ITIH5: variants seen among roughly 807,000 people sequenced by gnomAD.
The protein encoded by ITIH5 is inter-alpha-trypsin inhibitor heavy chain H5.
In ITIH5, 65 loss-of-function variants were observed where a neutral mutation model predicts 77.5. The ratio of observed to expected loss-of-function variants is 0.84; its 90% CI spans 0.69 to 1.03. ITIH5 has a LOEUF of 1.03. Ranked by LOEUF, ITIH5 falls within the 50% of genes least tolerant of loss-of-function variation. The probability of loss-of-function intolerance (pLI) is 0.00; values close to 1 mark genes in which losing one functional copy is unlikely to be tolerated. For missense variants in ITIH5, 1,208 were observed against 1,213.1 expected (o/e 1.00, Z 0.06); for synonymous variants, 525 against 494.3 (o/e 1.06, Z -0.82).
At position 7,579,943 on chromosome 10, in the gene ITIH5, C is replaced by G. The variant is rs746173381; in HGVS notation, c.1230G>C (p.Thr410=). 1.2e-6 allele frequency: 2 copies of G among 1,614,178 alleles called. No homozygotes were observed. The highest frequency in any genetic ancestry group is 2.2e-5 in the East Asian group (1 of 44,880). Residue 410 remains threonine, a synonymous_variant, in exon 9 of 14, where the codon ACG becomes ACC. Transcript: ENST00000397146. ...LIVFLTDGKP[T]VGETHTLKIL... is the part of the protein sequence containing the mutation. ...TCTTGAGGGTGTGCGTCTCCCCGACCGTGGGCTTCCCATCCGTCAGGAAGA... is the reference window on the plus strand; with the variant it reads ...TCTTGAGGGTGTGCGTCTCCCCGACGGTGGGCTTCCCATCCGTCAGGAAGA...
At chr10:7,644,297 T>C (rs1236911475) in intron 2 of ITIH5, among the ~76,000 whole-genome samples, 1 of 148,842 alleles carries the variant, frequency 6.7e-6, no homozygotes, top group African/African-American at 2.5e-5. Flanking sequence ...ATCATATATA[T>C]CATACATATC....
At chr10:7,644,900 C>CATATATATATCACAT (rs1833982557) in intron 2 of ITIH5, among the ~76,000 whole-genome samples, 3 of 55,768 alleles carry the variant, frequency 5.4e-5, no homozygotes, top group East Asian at 6.0e-4. Context: ...ATATATATCA[C>CATATATATATCACAT]ATATATATAT....
intron 1 of ITIH5, among the ~76,000 whole-genome samples, chr10:7,656,697 A>G (rs754738922): frequency 2.0e-5 from 3 of 151,892 alleles, no homozygotes; most frequent in Non-Finnish European, 4.4e-5. Flanking sequence ...CAGTTTTACA[A>G]TGTAGATCAA....
intron 1 of ITIH5, 70 bp from the exon 2 acceptor site, chr10:7,655,745 G>T (rs1834172256): frequency 1.7e-6 from 2 of 1,190,044 alleles, no homozygotes; most frequent in Non-Finnish European, 2.5e-6. Flanking sequence ...TGATTGTGAG[G>T]TCATTCTCAC....
chr10:7,582,686 C>A (rs940529169), intron 8 of ITIH5, among the ~76,000 whole-genome samples: 15 of 152,150 alleles, frequency 9.9e-5, no homozygotes, highest in Admixed American at 4.6e-4. Flanking sequence ...TCATCTGCAA[C>A]AAGATGGATG....
At chr10:7,651,855 T>C (rs1408521938) in intron 2 of ITIH5, among the ~76,000 whole-genome samples, 1 of 152,112 alleles carries the variant, frequency 6.6e-6, no homozygotes, top group Non-Finnish European at 1.5e-5. Context: ...CCATGGTGCT[T>C]CCCCATGTGT....
chr10:7,585,884 G>C lies in ITIH5; in HGVS notation c.1108+17C>G. The C allele has an allele frequency of 6.8e-7, 1 of 1,471,402 alleles. No individual in the cohort carries two copies. Among genetic ancestry groups the C allele is most frequent in the Admixed American group, 2.1e-5 (1 of 48,098 alleles). 91.1% of individuals were successfully genotyped at this position (1,471,402 alleles called of 1,614,324 possible). On this transcript the variant is annotated intron_variant, in intron 8 of 13. Transcript: ENST00000397146. ...TTTCAAAGCCAAGCCAATGTGAAAA[G>C]AAGGTGTCATCTTTACCTCCAGTGG...
At chr10:7,630,838 G>A (rs529339527) in intron 5 of ITIH5, among the ~76,000 whole-genome samples, 1 of 151,790 alleles carries the variant, frequency 6.6e-6, no homozygotes, top group African/African-American at 2.4e-5. Context: ...GTTCTTAACG[G>A]CCAAACACTT....
Position 7,559,670 on chromosome 10 carries a change from G to C in ITIH5, c.*3413C>G, listed in dbSNP as rs1252522673. 2 of 353,526 alleles carry C rather than the reference G, an allele frequency of 5.7e-6. No individual in the cohort carries two copies. Among genetic ancestry groups the C allele is most frequent in the Admixed American group, 3.6e-5 (1 of 27,866 alleles). 21.9% of individuals were successfully genotyped at this position (353,526 alleles called of 1,614,324 possible). ...GCCTTAACAAGAATACCACAGACTT[G>C]AGTAGCTTAAACAAAACACATTTAT... On this transcript the variant is annotated 3_prime_UTR_variant, in exon 14 of 14. Coordinates refer to ENST00000397146, the MANE Select transcript of ITIH5 (RefSeq NM_030569.7).
intron 8 of ITIH5, among the ~76,000 whole-genome samples, chr10:7,582,289 A>G (rs1345335599): frequency 2.0e-5 from 3 of 152,146 alleles, no homozygotes; most frequent in Admixed American, 6.5e-5. Context: ...CTGAACAAGT[A>G]TTTGTTTGGT....
chr10:7,637,690 A>T (rs1456843648), intron 4 of ITIH5, among the ~76,000 whole-genome samples: 1 of 152,194 alleles, frequency 6.6e-6, no homozygotes, highest in Non-Finnish European at 1.5e-5. Context: ...GGGTCAAAGA[A>T]TACCGACCAG....
intron 7 of ITIH5, among the ~76,000 whole-genome samples, chr10:7,591,252 C>T (rs886944246): frequency 4.6e-5 from 7 of 152,106 alleles, no homozygotes; most frequent in Non-Finnish European, 8.8e-5. Flanking sequence ...GGTTCAAATC[C>T]CTGTCTTTTA....
chr10:7,624,784 T>TAA (rs112757694), intron 5 of ITIH5, among the ~76,000 whole-genome samples: 12 of 31,874 alleles, frequency 3.8e-4, no homozygotes, highest in Admixed American at 1.9e-3. Flanking sequence ...AGACTCTGCC[T>TAA]AAAAAAAAAA....
intron 11 of ITIH5, 92 bp from the exon 12 acceptor site, chr10:7,569,876 A>C (rs1588359302): frequency 3.1e-6 from 2 of 635,618 alleles, no homozygotes; most frequent in East Asian, 6.4e-5. Flanking sequence ...CTCATGAATT[A>C]TTTTATTGAA....
At chr10:7,650,838 C>T (rs1419206495) in intron 2 of ITIH5, among the ~76,000 whole-genome samples, 1 of 152,116 alleles carries the variant, frequency 6.6e-6, no homozygotes, top group Non-Finnish European at 1.5e-5. Flanking sequence ...ATCATTTTAC[C>T]CCTCTGTAGA....
intron 2 of ITIH5, among the ~76,000 whole-genome samples, chr10:7,654,332 A>T (rs1227019091): frequency 2.0e-5 from 3 of 152,184 alleles, no homozygotes; most frequent in African/African-American, 4.8e-5. Context: ...TATTGCTGGG[A>T]GGCTATTCTC....
At chr10:7,582,408 A>G (rs913782204) in intron 8 of ITIH5, among the ~76,000 whole-genome samples, 20 of 152,250 alleles carry the variant, frequency 1.3e-4, no homozygotes, top group Admixed American at 7.8e-4. Flanking sequence ...TCCCACCATT[A>G]CCAAGTAAAG....
chr10:7,634,091 A>C (rs1238239916), intron 5 of ITIH5, among the ~76,000 whole-genome samples: 1 of 147,856 alleles, frequency 6.8e-6, no homozygotes. Flanking sequence ...TCCGTCTCAA[A>C]AAAAAAAAAA....
chr10:7,616,065 G>T lies in ITIH5; in HGVS notation c.856C>A (p.Pro286Thr), dbSNP rs1276280996. The part of the protein sequence containing the change: ...LNGYFVHYFA[P>T]KDLPPLPKNV... ...TTGGGTAAAGGAGGAAGGTCTTTAG[G>T]AGCAAAGTAGTGCACAAAATAGCCA... Residue 286 changes from proline (P) to threonine (T), a missense_variant, in exon 7 of 14, where the codon CCT (proline) becomes ACT (threonine). Physicochemically the swap from Pro to Thr is conservative, Grantham distance 38. Coordinates refer to ENST00000397146, the MANE Select transcript of ITIH5 (RefSeq NM_030569.7). 1.9e-5 allele frequency: 31 copies of T among 1,612,348 alleles called. No homozygotes were observed. The highest frequency in any genetic ancestry group is 2.5e-5 in the Non-Finnish European group (30 of 1,178,534).
Sources: allele counts gnomAD v4.1 joint callset (sites outside exome capture counted in the v4.1 genomes callset), GRCh38; gene constraint gnomAD v4.1.1; transcripts MANE v1.5; gene names NCBI Gene and HGNC (gene_info 2026-07-23, HGNC 2026-07-21).